Variants in THADA observed in about 807,000 individuals in gnomAD.
THADA encodes tRNA (32-2'-O)-methyltransferase regulator THADA.
In THADA, 213 loss-of-function variants were observed where a neutral mutation model predicts 219.8. The observed-to-expected ratio is 0.97, with a 90% CI of 0.87 to 1.09. The LOEUF (loss-of-function observed/expected upper bound fraction) is 1.09. Among genes scored for constraint, THADA ranks in the 50% least tolerant of loss-of-function variants. The pLI is 0.00. For missense variants in THADA, 2,956 were observed against 2,311.3 expected (o/e 1.28, Z -5.72); for synonymous variants, 1,018 against 828.9 (o/e 1.23, Z -3.92).
At chr2:43,376,498 C>T (rs11893099) in intron 29 of THADA, among the ~76,000 whole-genome samples, 4,027 of 152,224 alleles carry the variant, frequency 0.026, 107 homozygotes, top group African/African-American at 0.073. Context: ...CTAAACATTC[C>T]GTCTCAGTTA....
chr2:43,587,038 C>T, intron 4 of THADA, 36 bp from the exon 5 acceptor site: 1 of 1,584,512 alleles, frequency 6.3e-7, no homozygotes, highest in East Asian at 2.3e-5. Flanking sequence ...ATCTGACAAT[C>T]TAATAGCCCC....
Position 43,458,977 on chromosome 2 carries a change from GAA to G in THADA, c.3836+26255_3836+26256del, listed in dbSNP as rs201241790. Among the ~76,000 whole-genome samples the G allele has an allele frequency of 5.8e-3, 881 of 152,200 alleles. 1 individual carries two copies. Among genetic ancestry groups the G allele is most frequent in the Middle Eastern group, 0.014 (4 of 294 alleles). On this transcript the variant is annotated intron_variant, in intron 26 of 37. Transcript: ENST00000405975. Reference sequence around the variant, plus strand: ...AAAAATTTTGCTGGTTCACAAAACAGAAAAGTCTAGGTACCACTTGTCTTGTC... The same window carrying G: ...AAAAATTTTGCTGGTTCACAAAACAGAAGTCTAGGTACCACTTGTCTTGTC...
At chr2:43,282,369 G>A (rs770352955) in intron 35 of THADA, among the ~76,000 whole-genome samples, 7 of 152,138 alleles carry the variant, frequency 4.6e-5, no homozygotes, top group Non-Finnish European at 8.8e-5. Flanking sequence ...TGAAGAAAAC[G>A]TTGTCTCCCA....
chr2:43,258,297 C>T (rs972407216), intron 36 of THADA, among the ~76,000 whole-genome samples: 3 of 151,974 alleles, frequency 2.0e-5, no homozygotes, highest in South Asian at 2.1e-4. Flanking sequence ...CTGAGGTGGG[C>T]GGATCACCTG....
intron 30 of THADA, among the ~76,000 whole-genome samples, chr2:43,323,824 T>C (rs1446103573): frequency 6.6e-6 from 1 of 152,110 alleles, no homozygotes; most frequent in Non-Finnish European, 1.5e-5. Context: ...GGGAAGAATT[T>C]AGAGACAAAG....
intron 35 of THADA, among the ~76,000 whole-genome samples, chr2:43,283,092 G>T (rs576373721): frequency 6.6e-6 from 1 of 152,318 alleles, no homozygotes; most frequent in African/African-American, 2.4e-5. Flanking sequence ...GTTTAAAAGT[G>T]TGTGGCACTT....
intron 36 of THADA, among the ~76,000 whole-genome samples, chr2:43,238,770 A>G (rs1668323428): frequency 6.6e-6 from 1 of 152,236 alleles, no homozygotes; most frequent in South Asian, 2.1e-4. Flanking sequence ...ACAATGGAAT[A>G]GTAATCAGCC....
At chr2:43,352,792 G>T (rs1426614417) in intron 29 of THADA, among the ~76,000 whole-genome samples, 1 of 151,898 alleles carries the variant, frequency 6.6e-6, no homozygotes, top group Non-Finnish European at 1.5e-5. Flanking sequence ...GGCAAGAGTG[G>T]GTTATTAACT....
chr2:43,485,875 A>C (rs538306722), intron 25 of THADA, among the ~76,000 whole-genome samples: 1 of 152,104 alleles, frequency 6.6e-6, no homozygotes, highest in Admixed American at 6.6e-5. Context: ...AAAAAAAAAA[A>C]AAAGTATTTT....
intron 26 of THADA, among the ~76,000 whole-genome samples, chr2:43,449,413 TA>T (rs1229699912): frequency 2.6e-5 from 4 of 152,066 alleles, no homozygotes; most frequent in Admixed American, 2.6e-4. Flanking sequence ...TCTAAAGAAA[TA>T]ATGACCAAAA....
intron 16 of THADA, among the ~76,000 whole-genome samples, chr2:43,557,179 G>A (rs1203385076): frequency 6.6e-6 from 1 of 152,114 alleles, no homozygotes; most frequent in Non-Finnish European, 1.5e-5. Flanking sequence ...CCTGAATATA[G>A]GTGAGTTTTT....
Position 43,445,951 on chromosome 2 carries a change from G to A in THADA, c.3837-15649C>T, listed in dbSNP as rs572895243. On this transcript the variant is annotated intron_variant, in intron 26 of 37. Transcript: ENST00000405975. ...ACTATCCTGAGACAGGGAAGTGAAA[G>A]GTCTTGGTCCTGGAAGAGCCCTGCC... Among the ~76,000 whole-genome samples the A allele has an allele frequency of 2.0e-5, 3 of 152,312 alleles. No homozygotes were observed. The East Asian group carries it at 5.8e-4, about 29-fold the overall frequency.
chr2:43,428,920 C>T (rs1371566062), intron 27 of THADA, among the ~76,000 whole-genome samples: 3 of 152,142 alleles, frequency 2.0e-5, no homozygotes, highest in East Asian at 3.8e-4. Context: ...CAGAAAAGCA[C>T]ATTAGCATAA....
intron 36 of THADA, among the ~76,000 whole-genome samples, chr2:43,250,703 A>C (rs1423960926): frequency 6.6e-6 from 1 of 151,968 alleles, no homozygotes. Flanking sequence ...TTCTCTATAA[A>C]AATAAAATAA....
intron 26 of THADA, among the ~76,000 whole-genome samples, chr2:43,459,270 A>G (rs2104922686): frequency 6.6e-6 from 1 of 152,238 alleles, no homozygotes; most frequent in East Asian, 1.9e-4. Flanking sequence ...CCTCTTTCCC[A>G]AATAAATATT....
chr2:43,547,465 C>T (rs1447373601), intron 20 of THADA, among the ~76,000 whole-genome samples: 2 of 152,180 alleles, frequency 1.3e-5, no homozygotes, highest in Admixed American at 6.5e-5. Context: ...CAGTGTTTTC[C>T]AACTTGGTTC....
chr2:43,582,330 C>G (rs1215894181), intron 7 of THADA, among the ~76,000 whole-genome samples: 2 of 151,912 alleles, frequency 1.3e-5, no homozygotes. Flanking sequence ...AACCATGTCT[C>G]TAGTAAAAAT....
At chr2:43,543,625 G>C (rs1235777093) in intron 20 of THADA, among the ~76,000 whole-genome samples, 1 of 152,222 alleles carries the variant, frequency 6.6e-6, no homozygotes, top group Non-Finnish European at 1.5e-5. Context: ...CTGATGGCCA[G>C]TGATGGTGAG....
chr2:43,275,633 C>T (rs1672646137), intron 36 of THADA, among the ~76,000 whole-genome samples: 2 of 152,332 alleles, frequency 1.3e-5, no homozygotes, highest in South Asian at 4.1e-4. Flanking sequence ...CACCAGATAA[C>T]TTGCATCAGA....
Sources: allele counts gnomAD v4.1 joint callset (sites outside exome capture counted in the v4.1 genomes callset), GRCh38; gene constraint gnomAD v4.1.1; transcripts MANE v1.5; gene names NCBI Gene and HGNC (gene_info 2026-07-23, HGNC 2026-07-21).